Variants in TTBK2 observed in about 807,000 individuals in gnomAD.
TTBK2 encodes tau-tubulin kinase 2.
In TTBK2, 28 loss-of-function variants were observed where a neutral mutation model predicts 110.8. The observed-to-expected ratio is 0.25, with a 90% CI of 0.19 to 0.35. The LOEUF is 0.35. Among genes scored for constraint, TTBK2 ranks in the 10% least tolerant of loss-of-function variants. TTBK2 has a pLI of 1.00. For missense variants in TTBK2, 1,369 were observed against 1,500.3 expected (o/e 0.91, Z 1.45); for synonymous variants, 532 against 527.3 (o/e 1.01, Z -0.12).
At chr15:42,881,885 A>T (rs1483796945) in intron 1 of TTBK2, among the ~76,000 whole-genome samples, 1 of 152,142 alleles carries the variant, frequency 6.6e-6, no homozygotes, top group Non-Finnish European at 1.5e-5. Flanking sequence ...AAAAAAATAA[A>T]AAATTTAGAA....
chr15:42,830,640 G>A (rs1047610732), intron 4 of TTBK2, among the ~76,000 whole-genome samples: 1 of 151,662 alleles, frequency 6.6e-6, no homozygotes, highest in African/African-American at 2.4e-5. Flanking sequence ...TAACAAAAAA[G>A]TCTTGATTAT....
chr15:42,773,941 G>A (rs1183855315), intron 13 of TTBK2, among the ~76,000 whole-genome samples: 1 of 152,178 alleles, frequency 6.6e-6, no homozygotes, highest in African/African-American at 2.4e-5. Context: ...AAAGTCTGGG[G>A]TAGATTTCAG....
chr15:42,826,822 C>G (rs1464044254), intron 6 of TTBK2, among the ~76,000 whole-genome samples: 1 of 152,018 alleles, frequency 6.6e-6, no homozygotes, highest in Non-Finnish European at 1.5e-5. Flanking sequence ...TTTTAACAAA[C>G]CTAAAAGCCC....
intron 5 of TTBK2, among the ~76,000 whole-genome samples, chr15:42,829,577 G>A (rs984317899): frequency 2.0e-5 from 3 of 152,190 alleles, no homozygotes; most frequent in African/African-American, 7.2e-5. Context: ...AGGCTGGAGT[G>A]CAGTGGCTAT....
At chr15:42,773,506 T>C (rs1266305026) in intron 13 of TTBK2, among the ~76,000 whole-genome samples, 2 of 151,832 alleles carry the variant, frequency 1.3e-5, no homozygotes, top group African/African-American at 2.4e-5. Context: ...AGGTCAAACA[T>C]CACATACATG....
rs118073359 is a variant in TTBK2 at position 42,919,948 on chromosome 15, A to C, written c.-68+490T>G. The stretch of plus-strand genomic sequence containing the variant: ...TGACGAGCAAATCCCTCAGATCATT[A>C]CTTCAGCACCCTAAGTACAAGAAAG... On this transcript the variant is annotated intron_variant, in intron 1 of 14. Transcript: ENST00000267890. 396 of 330,852 alleles carry C rather than the reference A, an allele frequency of 1.2e-3. 11 individuals are homozygous for C. The East Asian group carries it at 0.043, about 36-fold the overall frequency. The allele number at this position is 330,852 out of a possible 1,614,324, so 20.5% of individuals were successfully genotyped here.
rs145441232 is a variant in TTBK2, at chr15:42,747,993, A to T, written c.3273-1736T>A. On this transcript the variant is annotated intron_variant, in intron 14 of 14. Transcript: ENST00000267890. ...ACTGGAAATTACTACCTTTTAAAAA[A>T]TATTAGGGTTGAAGGACCTTCCTAT... Among the ~76,000 whole-genome samples, 559 of 152,330 alleles carry T rather than the reference A, an allele frequency of 3.7e-3. 3 individuals are homozygous for T. The highest frequency in any genetic ancestry group is 0.013 in the African/African-American group (532 of 41,562).
At chr15:42,872,323 T>C (rs747336915) in intron 3 of TTBK2, among the ~76,000 whole-genome samples, 2 of 152,176 alleles carry the variant, frequency 1.3e-5, no homozygotes, top group Non-Finnish European at 2.9e-5. Flanking sequence ...AATAGCAGAC[T>C]TATGACAATA....
At chr15:42,880,410 A>G (rs2141136979) in intron 1 of TTBK2, among the ~76,000 whole-genome samples, 1 of 152,258 alleles carries the variant, frequency 6.6e-6, no homozygotes, top group Admixed American at 6.5e-5. Context: ...CTTTTGAAAC[A>G]AAGTCTTGCT....
intron 12 of TTBK2, among the ~76,000 whole-genome samples, chr15:42,776,500 A>C (rs889203895): frequency 6.6e-6 from 1 of 152,162 alleles, no homozygotes; most frequent in Non-Finnish European, 1.5e-5. Flanking sequence ...CTTTCTCTCT[A>C]GGTAGATTGC....
intron 3 of TTBK2, among the ~76,000 whole-genome samples, chr15:42,860,520 T>C (rs964078416): frequency 5.9e-5 from 9 of 151,692 alleles, no homozygotes; most frequent in Non-Finnish European, 7.4e-5. Context: ...GTCAAGGGGG[T>C]TGGATCGCTT....
chr15:42,756,759 A>G (rs894495806), intron 13 of TTBK2, among the ~76,000 whole-genome samples: 1 of 151,796 alleles, frequency 6.6e-6, no homozygotes, highest in African/African-American at 2.4e-5. Context: ...TGACCCAAGC[A>G]TGGTGGCCTG....
At chr15:42,774,243 G>A (rs1378744948) in intron 13 of TTBK2, among the ~76,000 whole-genome samples, 1 of 152,204 alleles carries the variant, frequency 6.6e-6, no homozygotes, top group Admixed American at 6.5e-5. Flanking sequence ...GGGACTGCTA[G>A]ATGATTATGG....
intron 1 of TTBK2, among the ~76,000 whole-genome samples, chr15:42,891,066 T>A: frequency 6.6e-6 from 1 of 151,250 alleles, no homozygotes. Flanking sequence ...AGACGGGGGG[T>A]TTTACCATGT....
At chr15:42,786,518 C>A (rs1208971467) in intron 10 of TTBK2, among the ~76,000 whole-genome samples, 1 of 152,104 alleles carries the variant, frequency 6.6e-6, no homozygotes, top group East Asian at 1.9e-4. Context: ...TTTCAAGTCC[C>A]TTTTTCCCTT....
In TTBK2 at chr15:42,775,593, C is replaced by G. The variant is rs775186980; in HGVS notation, c.1540G>C (p.Asp514His). ...TTGGCAGAAGCAGGCTTGGAGGCAT[C>G]TGGAAGATATTCTTCATCATAGTGC... The part of the protein sequence containing the change: ...IWHYDEEYLP[D>H]ASKPASANTP... Residue 514 changes from aspartate to histidine, a missense_variant, in exon 13 of 15, where the codon GAT becomes CAT. By Grantham distance (81) the Asp-to-His change is moderately conservative. Transcript: ENST00000267890. 6.2e-7 allele frequency: 1 copy of G among 1,614,110 alleles called. No homozygotes were observed. Among genetic ancestry groups the G allele is most frequent in the Non-Finnish European group, 8.5e-7 (1 of 1,180,012 alleles).
rs749471787 is a variant in TTBK2 at position 42,794,672 on chromosome 15, G to A, written c.952C>T (p.His318Tyr). 3 of 1,614,116 alleles carry A rather than the reference G, an allele frequency of 1.9e-6. No homozygotes were observed. The highest frequency in any genetic ancestry group is 2.2e-5 in the South Asian group (2 of 91,078). The change falls in exon 10 of 15, where the codon CAC (histidine) becomes TAC (tyrosine). Residue 318 changes from histidine (H) to tyrosine (Y), a missense_variant. His to Tyr is a moderately conservative substitution (Grantham distance 83). Coordinates refer to ENST00000267890, the MANE Select transcript of TTBK2 (RefSeq NM_173500.4). ...TTTTSTTPQL[H>Y]TRLTPAAIGI... is the part of the protein sequence containing the mutation. ...ATTGCAGCAGGGGTCAAGCGAGTGTGCAACTGAGGGGTGGTAGAAGTAGTG... is the reference window on the plus strand; with the variant it reads ...ATTGCAGCAGGGGTCAAGCGAGTGTACAACTGAGGGGTGGTAGAAGTAGTG...
intron 1 of TTBK2, among the ~76,000 whole-genome samples, chr15:42,885,093 C>T (rs946870414): frequency 9.2e-5 from 14 of 152,352 alleles, no homozygotes; most frequent in Non-Finnish European, 1.8e-4. Flanking sequence ...ACTCTCTTTT[C>T]GGGCTCAGCC....
intron 7 of TTBK2, among the ~76,000 whole-genome samples, chr15:42,814,194 A>G (rs970334504): frequency 8.6e-5 from 13 of 151,960 alleles, no homozygotes; most frequent in African/African-American, 3.1e-4. Flanking sequence ...GCTAATTTTT[A>G]TATTTTTAGT....
Sources: gnomAD v4.1 joint callset for allele counts (sites outside exome capture counted in the v4.1 genomes callset) on GRCh38, gnomAD v4.1.1 for gene constraint, MANE v1.5 for transcripts, NCBI Gene and HGNC (gene_info 2026-07-23, HGNC 2026-07-21) for gene names.